Variants in PPP6C observed in about 807,000 individuals in gnomAD.
The protein encoded by PPP6C is serine/threonine-protein phosphatase 6 catalytic subunit.
PPP6C carries 11 observed loss-of-function variants against 39.8 expected under a neutral mutation model. The observed-to-expected ratio is 0.28, with a 90% confidence interval of 0.17 to 0.46. The LOEUF (loss-of-function observed/expected upper bound fraction) is 0.46, where lower values mean the gene tolerates loss of function less well. Among genes scored for constraint, PPP6C ranks in the 20% least tolerant of loss-of-function variants. The pLI is 1.00. For missense variants in PPP6C, 211 were observed against 373.9 expected (o/e 0.56, Z 3.59); for synonymous variants, 129 against 130.3 (o/e 0.99, Z 0.07).
rs940470108 is a variant in PPP6C at position 125,148,370 on chromosome 9, A to G, written c.*1303T>C. On this transcript the variant is annotated 3_prime_UTR_variant, in exon 7 of 7. Transcript: ENST00000373547. ...TCCAACATCATTTATGACTACAGTCATAAGAGATACTGGAATACTTGTCCT... is the reference window on the plus strand; with the variant it reads ...TCCAACATCATTTATGACTACAGTCGTAAGAGATACTGGAATACTTGTCCT... 1 of 152,230 alleles carries G rather than the reference A, an allele frequency of 6.6e-6. No individual in the cohort carries two copies. The highest frequency in any genetic ancestry group is 1.5e-5 in the Non-Finnish European group (1 of 68,028). The allele number at this position is 152,230 out of a possible 1,614,324, so 9.4% of individuals were successfully genotyped here. A position where few individuals can be genotyped will look rare whatever the true frequency, so the allele number is the denominator to read the frequency against.
At chr9:125,155,548 G>T (rs1836047046) in intron 4 of PPP6C, among the ~76,000 whole-genome samples, 1 of 152,072 alleles carries the variant, frequency 6.6e-6, no homozygotes, top group South Asian at 2.1e-4. Context: ...GTCATATAGG[G>T]ATATTTTATT....
At chr9:125,160,025 A>C (rs1828822817) in intron 3 of PPP6C, among the ~76,000 whole-genome samples, 1 of 152,206 alleles carries the variant, frequency 6.6e-6, no homozygotes, top group African/African-American at 2.4e-5. Flanking sequence ...TCTCAAAAAA[A>C]AAAAATAAGA....
chr9:125,181,412 G>C (rs1275357710), intron 1 of PPP6C, among the ~76,000 whole-genome samples: 1 of 151,982 alleles, frequency 6.6e-6, no homozygotes, highest in Non-Finnish European at 1.5e-5. Flanking sequence ...GTATCCACGT[G>C]CCATGGTGGT....
At chr9:125,167,672 C>T (rs1829052015) in intron 2 of PPP6C, among the ~76,000 whole-genome samples, 1 of 151,078 alleles carries the variant, frequency 6.6e-6, no homozygotes, top group South Asian at 2.1e-4. Context: ...CATTGCACTC[C>T]AGCCTGGATA....
rs1829631143 is a variant in PPP6C, at chr9:125,189,777, A to AGCGGCGGAGGCC, written c.-71_-60dup. On this transcript the variant is annotated 5_prime_UTR_variant, in exon 1 of 7. Transcript: ENST00000373547. ...CGGCGGCTGTAGCAGCGGCGGCGGC[A>AGCGGCGGAGGCC]GCGGCGGAGGCCGAAGCCGGAACTT... The AGCGGCGGAGGCC allele has an allele frequency of 2.6e-6, 4 of 1,532,606 alleles. No homozygotes were observed. The highest frequency in any genetic ancestry group is 3.5e-6 in the Non-Finnish European group (4 of 1,139,724). 94.9% of individuals were successfully genotyped at this position (1,532,606 alleles called of 1,614,324 possible).
chr9:125,156,078 T>C (rs974945447), intron 4 of PPP6C, among the ~76,000 whole-genome samples: 2 of 152,148 alleles, frequency 1.3e-5, no homozygotes, highest in Non-Finnish European at 2.9e-5. Flanking sequence ...AAAATATTGA[T>C]TATTTTGCAA....
At chr9:125,166,792 G>A (rs937850791) in intron 2 of PPP6C, among the ~76,000 whole-genome samples, 1 of 152,016 alleles carries the variant, frequency 6.6e-6, no homozygotes, top group African/African-American at 2.4e-5. Context: ...TGGGATTACA[G>A]GTGTGAGCCA....
At chr9:125,166,664 C>A (rs1829020543) in intron 2 of PPP6C, among the ~76,000 whole-genome samples, 1 of 151,316 alleles carries the variant, frequency 6.6e-6, no homozygotes, top group Non-Finnish European at 1.5e-5. Context: ...CCCTGAGTAG[C>A]TGGGATTACA....
intron 1 of PPP6C, among the ~76,000 whole-genome samples, chr9:125,177,317 T>A: frequency 6.6e-6 from 1 of 152,040 alleles, no homozygotes; most frequent in East Asian, 1.9e-4. Context: ...GAACTTGCAG[T>A]GAGCAGAGAT....
At chr9:125,184,748 G>A (rs10986622) in intron 1 of PPP6C, among the ~76,000 whole-genome samples, 2,295 of 151,972 alleles carry the variant, frequency 0.015, 107 homozygotes, top group Admixed American at 0.083. Context: ...CGAGGTGGGC[G>A]GATCACCTGA....
intron 3 of PPP6C, among the ~76,000 whole-genome samples, chr9:125,160,154 T>C (rs979600515): frequency 3.3e-5 from 5 of 152,224 alleles, no homozygotes. Context: ...TATGTGTGTA[T>C]ATTAATCCAT....
intron 1 of PPP6C, among the ~76,000 whole-genome samples, chr9:125,173,955 C>T (rs1390374053): frequency 1.3e-5 from 2 of 152,158 alleles, no homozygotes; most frequent in Non-Finnish European, 2.9e-5. Flanking sequence ...AATGTTTGCA[C>T]TTCAAAAATA....
chr9:125,189,299 C>T (rs1374384873), intron 1 of PPP6C, among the ~76,000 whole-genome samples: 1 of 152,162 alleles, frequency 6.6e-6, no homozygotes, highest in African/African-American at 2.4e-5. Context: ...GCCGCGGGGG[C>T]TCGGCTCCGA....
chr9:125,155,610 C>T (rs559003097), intron 4 of PPP6C, among the ~76,000 whole-genome samples: 1 of 152,232 alleles, frequency 6.6e-6, no homozygotes, highest in South Asian at 2.1e-4. Flanking sequence ...TTATTCAAAA[C>T]ATATGTCATA....
Position 125,162,534 on chromosome 9 carries a change from G to C in PPP6C, c.172-1628C>G, listed in dbSNP as rs984451709. On this transcript the variant is annotated intron_variant, in intron 2 of 6. Transcript: ENST00000373547. The stretch of plus-strand genomic sequence containing the variant: ...CACACTTGTAATCCCAGCATTGTGG[G>C]AGGCTGAGGCAGGTGGATCATGAGG... Among the ~76,000 whole-genome samples, 49 of 151,720 alleles carry C rather than the reference G, an allele frequency of 3.2e-4. 1 individual carries two copies. Among genetic ancestry groups the C allele is most frequent in the Admixed American group, 2.8e-3 (43 of 15,184 alleles).
At chr9:125,174,385 AC>A (rs1489274940) in intron 1 of PPP6C, among the ~76,000 whole-genome samples, 1 of 150,156 alleles carries the variant, frequency 6.7e-6, no homozygotes, top group African/African-American at 2.4e-5. Context: ...TAAACATTAT[AC>A]AAAAAATCAG....
chr9:125,182,268 G>C (rs977768527), intron 1 of PPP6C, among the ~76,000 whole-genome samples: 6 of 152,054 alleles, frequency 3.9e-5, no homozygotes, highest in Admixed American at 3.3e-4. Flanking sequence ...TTGTTTAGTT[G>C]ATCTTGTTAT....
chr9:125,153,382 C>A, intron 6 of PPP6C, 151 bp downstream of exon 6: 1 of 704,690 alleles, frequency 1.4e-6, no homozygotes, highest in Non-Finnish European at 2.3e-6. Flanking sequence ...TAAAGAAAGA[C>A]ATACGTTAAT....
At chr9:125,153,015 A>G (rs1432907039) in intron 6 of PPP6C, among the ~76,000 whole-genome samples, 2 of 151,404 alleles carry the variant, frequency 1.3e-5, no homozygotes, top group African/African-American at 4.9e-5. Flanking sequence ...GCTCACACCT[A>G]TAATCCCAGC....
Sources: allele counts gnomAD v4.1 joint callset (sites outside exome capture counted in the v4.1 genomes callset), GRCh38; gene constraint gnomAD v4.1.1; transcripts MANE v1.5; gene names NCBI Gene and HGNC (gene_info 2026-07-23, HGNC 2026-07-21).